GPR149: variants seen among roughly 807,000 people sequenced by gnomAD.
The protein encoded by GPR149 is probable G protein-coupled receptor 149.
GPR149 carries 50 observed loss-of-function variants against 50.2 expected under a neutral mutation model. The ratio of observed to expected loss-of-function variants is 1.00; its 90% CI spans 0.79 to 1.26. The LOEUF is 1.26. GPR149 is among the 50% of genes most tolerant of loss of function. The pLI, the probability that GPR149 is intolerant of heterozygous loss-of-function variation, is 0.00. For synonymous variants in GPR149, 405 were observed against 358.2 expected (o/e 1.13, Z -1.48); for missense variants, 983 against 895.4 (o/e 1.10, Z -1.25).
intron 3 of GPR149, among the ~76,000 whole-genome samples, chr3:154,370,682 C>A (rs145420923): frequency 1.9e-3 from 295 of 152,182 alleles, no homozygotes; most frequent in African/African-American, 6.6e-3. Flanking sequence ...GTAAGGTTGA[C>A]TGTTGAGGTC....
intron 3 of GPR149, chr3:154,352,487 G>C: frequency 1.3e-6 from 1 of 776,938 alleles, no homozygotes; most frequent in Non-Finnish European, 2.4e-6. Flanking sequence ...GGCACACACT[G>C]GTAATCTGAG....
rs1005748838 is a variant in GPR149, at chr3:154,429,680, G to A, written c.-65C>T. The A allele has an allele frequency of 3.6e-6, 5 of 1,397,338 alleles. No homozygotes were observed. Among genetic ancestry groups the A allele is most frequent in the Admixed American group, 1.9e-5 (1 of 51,378 alleles). 86.6% of individuals were successfully genotyped at this position (1,397,338 alleles called of 1,614,324 possible). The stretch of plus-strand genomic sequence containing the variant: ...TGATAATTTTCTCAAAAGAAAGACC[G>A]GCTGCTGCAAATCAGATTTCATTCC... On this transcript the variant is annotated 5_prime_UTR_variant, in exon 1 of 4. Coordinates refer to ENST00000389740, the MANE Select transcript of GPR149 (RefSeq NM_001038705.3).
rs1280779086 is a variant in GPR149 at position 154,337,952 on chromosome 3, C to A, written c.1943G>T (p.Arg648Ile). 6.2e-7 allele frequency: 1 copy of A among 1,613,802 alleles called. No homozygotes were observed. Among genetic ancestry groups the A allele is most frequent in the Non-Finnish European group, 8.5e-7 (1 of 1,179,844 alleles). The change falls in exon 4 of 4, where the codon AGA (arginine) becomes ATA (isoleucine). Residue 648 changes from arginine (R) to isoleucine (I), a missense_variant. Coordinates refer to ENST00000389740, the MANE Select transcript of GPR149 (RefSeq NM_001038705.3). ...SNISQSSTQVRSPSLRYSRKE... is the reference protein window; with the variant it reads ...SNISQSSTQVISPSLRYSRKE... ...CCTGGAGTAACGTAGGGATGGAGATCTGACTTGTGTGGAGGACTGACTGAT... is the reference window on the plus strand; with the variant it reads ...CCTGGAGTAACGTAGGGATGGAGATATGACTTGTGTGGAGGACTGACTGAT...
chr3:154,408,072 T>A (rs1181788015), intron 3 of GPR149, among the ~76,000 whole-genome samples: 3 of 152,122 alleles, frequency 2.0e-5, no homozygotes, highest in South Asian at 4.1e-4. Flanking sequence ...AAAATAAATA[T>A]CTGTGAATCC....
intron 3 of GPR149, chr3:154,353,155 T>C (rs1425702278): frequency 3.3e-6 from 5 of 1,514,722 alleles, no homozygotes; most frequent in African/African-American, 2.7e-5. Flanking sequence ...TCACAGAAAA[T>C]AATAGCCCTC....
At chr3:154,349,064 A>G (rs1255228185) in intron 3 of GPR149, among the ~76,000 whole-genome samples, 1 of 152,120 alleles carries the variant, frequency 6.6e-6, no homozygotes, top group Non-Finnish European at 1.5e-5. Flanking sequence ...TAAAAAAAAA[A>G]GTGAATGAAA....
chr3:154,362,228 G>A (rs1181637621), intron 3 of GPR149, among the ~76,000 whole-genome samples: 2 of 144,310 alleles, frequency 1.4e-5, no homozygotes, highest in East Asian at 4.2e-4. Context: ...GGCGGAGCCT[G>A]CAGTGAGCCG....
chr3:154,416,696 C>T (rs371609191), intron 3 of GPR149, among the ~76,000 whole-genome samples: 18 of 151,956 alleles, frequency 1.2e-4, no homozygotes, highest in East Asian at 7.7e-4. Flanking sequence ...GATTCTCAGG[C>T]GACTTTAAAA....
chr3:154,405,939 A>G (rs1167224641), intron 3 of GPR149, among the ~76,000 whole-genome samples: 1 of 151,948 alleles, frequency 6.6e-6, no homozygotes, highest in African/African-American at 2.4e-5. Context: ...TAAACAAAAA[A>G]TTGTGCATGG....
intron 3 of GPR149, among the ~76,000 whole-genome samples, chr3:154,401,438 G>A (rs1576922599): frequency 6.6e-6 from 1 of 152,188 alleles, no homozygotes; most frequent in African/African-American, 2.4e-5. Flanking sequence ...GCCTTGCCTT[G>A]CTGACAGCTT....
Position 154,336,980 on chromosome 3 carries a change from G to C in GPR149, c.*719C>G, listed in dbSNP as rs572385548. 10 of 151,806 alleles carry C rather than the reference G, an allele frequency of 6.6e-5. No homozygotes were observed. The highest frequency in any genetic ancestry group is 2.4e-4 in the African/African-American group (10 of 41,430). The allele number at this position is 151,806 out of a possible 1,614,324, so 9.4% of individuals were successfully genotyped here. A position where few individuals can be genotyped will look rare whatever the true frequency, so the allele number is the denominator to read the frequency against. ...TTTTTCCAATAATGTTTGAGTTAAA[G>C]ATACTTCTAATTCCACCTCTAACAC... On this transcript the variant is annotated 3_prime_UTR_variant, in exon 4 of 4. Coordinates refer to ENST00000389740, the MANE Select transcript of GPR149 (RefSeq NM_001038705.3).
chr3:154,423,797 T>C (rs1054545162), intron 2 of GPR149, among the ~76,000 whole-genome samples: 3 of 151,740 alleles, frequency 2.0e-5, no homozygotes, highest in African/African-American at 7.2e-5. Flanking sequence ...ACCAAAAATA[T>C]AAAATAAAAA....
At chr3:154,368,522 A>C (rs1714593576) in intron 3 of GPR149, among the ~76,000 whole-genome samples, 1 of 152,222 alleles carries the variant, frequency 6.6e-6, no homozygotes, top group Non-Finnish European at 1.5e-5. Context: ...CTTCCCACAT[A>C]GGTTTTCCCC....
At chr3:154,395,343 C>G (rs890687125) in intron 3 of GPR149, among the ~76,000 whole-genome samples, 3 of 150,874 alleles carry the variant, frequency 2.0e-5, no homozygotes, top group Non-Finnish European at 1.5e-5. Flanking sequence ...AACATATACA[C>G]TCTACCAGTT....
rs1176580703 is a variant in GPR149 at position 154,337,612 on chromosome 3, TAAAAGG to T, written c.*81_*86del. 9.3e-6 allele frequency: 10 copies of T among 1,078,370 alleles called. No individual in the cohort carries two copies. In the African/African-American group the frequency reaches 1.4e-4, roughly 15 times the overall value. The allele number at this position is 1,078,370 out of a possible 1,614,324, so 66.8% of individuals were successfully genotyped here. ...AGTAAAACTAATGTAAGCCAACAAATAAAAGGAAATCAGTCTCATAACAAAGGTGTT... is the reference window on the plus strand; with the variant it reads ...AGTAAAACTAATGTAAGCCAACAAATAAATCAGTCTCATAACAAAGGTGTT... On this transcript the variant is annotated 3_prime_UTR_variant, in exon 4 of 4. Transcript: ENST00000389740.
At chr3:154,407,389 A>ACTC (rs139396239) in intron 3 of GPR149, among the ~76,000 whole-genome samples, 36,517 of 151,892 alleles carry the variant, frequency 0.24, 4,840 homozygotes, top group South Asian at 0.32. Flanking sequence ...CAATTATTAT[A>ACTC]CTCTTAATAT....
At chr3:154,372,934 C>T (rs1336616342) in intron 3 of GPR149, among the ~76,000 whole-genome samples, 1 of 151,984 alleles carries the variant, frequency 6.6e-6, no homozygotes, top group Admixed American at 6.6e-5. Flanking sequence ...ATAATAAATT[C>T]AGTGTTGTAA....
rs1559990383 is a variant in GPR149 at position 154,418,687 on chromosome 3, G to A, written c.1623+2352C>T. ...TTGTGGGGTGGGGGGAGGGGAGAGG[G>A]ATAGCACTGGGAGATATACCTAATG... On this transcript the variant is annotated intron_variant, in intron 3 of 3. Transcript: ENST00000389740. Among the ~76,000 whole-genome samples the A allele has an allele frequency of 3.4e-5, 5 of 145,916 alleles. No individual in the cohort carries two copies. In the South Asian group the frequency reaches 1.1e-3, roughly 34 times the overall value.
chr3:154,366,675 C>T (rs1714540180), intron 3 of GPR149, among the ~76,000 whole-genome samples: 1 of 152,218 alleles, frequency 6.6e-6, no homozygotes, highest in Non-Finnish European at 1.5e-5. Flanking sequence ...AACCAATTGC[C>T]AGTCAGAACA....
Sources: allele counts gnomAD v4.1 joint callset (sites outside exome capture counted in the v4.1 genomes callset), GRCh38; gene constraint gnomAD v4.1.1; transcripts MANE v1.5; gene names NCBI Gene and HGNC (gene_info 2026-07-23, HGNC 2026-07-21).